The following BACH2 variants were observed in gnomAD, a reference collection of about 807,000 sequenced individuals.
BACH2 encodes transcription regulator protein BACH2.
A neutral mutation model predicts 61.8 loss-of-function variants in BACH2; 5 were observed. The ratio of observed to expected loss-of-function variants is 0.08; its 90% CI spans 0.04 to 0.17. BACH2 has a LOEUF of 0.17. Among genes scored for constraint, BACH2 ranks in the 10% least tolerant of loss-of-function variants. The pLI is 1.00. For synonymous variants in BACH2, 446 were observed against 440.1 expected, an observed-to-expected ratio of 1.01 and a Z score of -0.17; for missense variants, 824 against 1,091.1, an observed-to-expected ratio of 0.76 and a Z score of 3.45.
intron 3 of BACH2, among the ~76,000 whole-genome samples, chr6:90,224,941 TAAA>T (rs1369800695): frequency 6.6e-6 from 1 of 152,194 alleles, no homozygotes; most frequent in Non-Finnish European, 1.5e-5. Flanking sequence ...AGTTAGAATT[TAAA>T]AGGCTGGGAC....
chr6:90,108,708 A>G (rs1290443848), intron 4 of BACH2, among the ~76,000 whole-genome samples: 1 of 152,218 alleles, frequency 6.6e-6, no homozygotes, highest in Non-Finnish European at 1.5e-5. Context: ...AATGTCTATC[A>G]TTGCTCTAGA....
chr6:90,175,341 T>C (rs541539634), intron 4 of BACH2, among the ~76,000 whole-genome samples: 1 of 152,282 alleles, frequency 6.6e-6, no homozygotes, highest in East Asian at 1.9e-4. Flanking sequence ...TACACTGAAA[T>C]CATAAGAAAC....
chr6:90,057,634 A>T (rs1379879590), intron 5 of BACH2, among the ~76,000 whole-genome samples: 2 of 152,252 alleles, frequency 1.3e-5, no homozygotes, highest in Non-Finnish European at 2.9e-5. Context: ...TGAGGCCAGC[A>T]TCATCCTGAC....
intron 4 of BACH2, among the ~76,000 whole-genome samples, chr6:90,137,360 T>C (rs180774011): frequency 1.3e-5 from 2 of 152,028 alleles, no homozygotes; most frequent in East Asian, 3.9e-4. Context: ...AGAAAAAACA[T>C]GTGCATTTGA....
intron 1 of BACH2, among the ~76,000 whole-genome samples, chr6:90,295,611 G>A (rs886202090): frequency 2.0e-5 from 3 of 152,100 alleles, no homozygotes; most frequent in Middle Eastern, 3.4e-3. Context: ...TCATAAACCA[G>A]TCTCCTGGGT....
chr6:89,950,278 C>T lies in BACH2; in HGVS notation c.1828G>A (p.Gly610Ser), dbSNP rs571253092. 4.3e-6 allele frequency: 7 copies of T among 1,613,984 alleles called. No individual in the cohort carries two copies. Among genetic ancestry groups the T allele is most frequent in the Non-Finnish European group, 5.9e-6 (7 of 1,180,038 alleles). Residue 610 changes from glycine (G) to serine (S), a missense_variant, in exon 7 of 9, where the codon GGC becomes AGC. This residue lies in a region of BACH2 where 160 missense variants were observed against 283.5 expected (regional missense o/e 0.56). Transcript: ENST00000257749. The surrounding 1 kb of genome is among the most constrained non-coding windows in gnomAD (Gnocchi z 5.3). ...DSESCPVQDRGQEVKLPFPVD... is the reference protein window; with the variant it reads ...DSESCPVQDRSQEVKLPFPVD... ...TTATGTGGGTTCCCTACCTCCTGGC[C>T]CCTGTCCTGCACAGGACACGACTCA...
At chr6:90,192,235 T>C (rs913828413) in intron 4 of BACH2, among the ~76,000 whole-genome samples, 3 of 152,192 alleles carry the variant, frequency 2.0e-5, no homozygotes, top group Non-Finnish European at 4.4e-5. Context: ...TCACTCTCTT[T>C]TTCATGGGAG....
At chr6:90,253,641 A>C (rs1338580080) in intron 2 of BACH2, among the ~76,000 whole-genome samples, 1 of 152,192 alleles carries the variant, frequency 6.6e-6, no homozygotes, top group Non-Finnish European at 1.5e-5. Context: ...CATGTATTGA[A>C]GAGTTAATTT....
chr6:90,111,448 T>G (rs1305497342), intron 4 of BACH2, among the ~76,000 whole-genome samples: 1 of 152,250 alleles, frequency 6.6e-6, no homozygotes, highest in Non-Finnish European at 1.5e-5. Context: ...GCATCTGAGG[T>G]GCAGGCCCAA....
chr6:90,109,322 T>G (rs1783063252), intron 4 of BACH2, among the ~76,000 whole-genome samples: 1 of 152,140 alleles, frequency 6.6e-6, no homozygotes, highest in Non-Finnish European at 1.5e-5. Flanking sequence ...CTTCTTCTTG[T>G]GGCTTCAGGG....
intron 5 of BACH2, among the ~76,000 whole-genome samples, chr6:90,077,186 A>G (rs935231491): frequency 8.9e-4 from 135 of 152,158 alleles, no homozygotes; most frequent in African/African-American, 3.2e-3. Flanking sequence ...ATTCCTTATG[A>G]AAGCGTGGGA....
chr6:90,128,059 T>C (rs1007133472), intron 4 of BACH2, among the ~76,000 whole-genome samples: 24 of 152,140 alleles, frequency 1.6e-4, no homozygotes, highest in African/African-American at 5.8e-4. Context: ...TCCCCAGCCA[T>C]GGTCCACAGG....
intron 4 of BACH2, among the ~76,000 whole-genome samples, chr6:90,195,817 T>A (rs1768738597): frequency 6.6e-6 from 1 of 152,196 alleles, no homozygotes; most frequent in South Asian, 2.1e-4. Flanking sequence ...AGCTAAGGTA[T>A]CTTTTTAATT....
At chr6:90,060,650 C>T (rs774803548) in intron 5 of BACH2, among the ~76,000 whole-genome samples, 6 of 151,906 alleles carry the variant, frequency 3.9e-5, no homozygotes, top group East Asian at 1.9e-4. Flanking sequence ...AATATATTAA[C>T]GCTAGTTTTG....
rs1774156217 is a variant in BACH2, at chr6:89,951,966, T to A, written c.244-104A>T. On this transcript the variant is annotated intron_variant, in intron 6 of 8. Coordinates refer to ENST00000257749, the MANE Select transcript of BACH2 (RefSeq NM_021813.4). The surrounding 1 kb of genome is among the most constrained non-coding windows in gnomAD (Gnocchi z 6.4). ...ACCAGACAGTGCTAATGTCCCAGAA[T>A]AAAGACTGCAAAGGGGCAGTTAATC... 2.9e-5 allele frequency: 39 copies of A among 1,352,042 alleles called. No homozygotes were observed. The South Asian group carries it at 4.0e-4, about 14-fold the overall frequency. The allele number at this position is 1,352,042 out of a possible 1,614,324, so 83.8% of individuals were successfully genotyped here.
At chr6:90,161,137 C>T (rs1303026879) in intron 4 of BACH2, among the ~76,000 whole-genome samples, 1 of 145,374 alleles carries the variant, frequency 6.9e-6, no homozygotes, top group Non-Finnish European at 1.5e-5. Context: ...CAAATCATTA[C>T]ACAGCCCTTT....
intron 4 of BACH2, among the ~76,000 whole-genome samples, chr6:90,105,223 G>T (rs1310804376): frequency 6.6e-6 from 1 of 152,184 alleles, no homozygotes; most frequent in East Asian, 1.9e-4. Context: ...TGGCTGCAAG[G>T]CATTTCCAGA....
chr6:90,125,650 C>T (rs957253796), intron 4 of BACH2, among the ~76,000 whole-genome samples: 8 of 152,322 alleles, frequency 5.3e-5, no homozygotes, highest in South Asian at 2.1e-4. Flanking sequence ...ATGCTGTGTA[C>T]TGGTTGACTT....
intron 5 of BACH2, among the ~76,000 whole-genome samples, chr6:90,023,240 T>C (rs1029964348): frequency 2.6e-5 from 4 of 152,194 alleles, no homozygotes; most frequent in African/African-American, 9.7e-5. Flanking sequence ...TCATGTTCAA[T>C]TGTAATCCCC....
Sources: allele counts gnomAD v4.1 joint callset (sites outside exome capture counted in the v4.1 genomes callset), GRCh38; gene constraint gnomAD v4.1.1; regional missense constraint gnomAD v4.1.1; non-coding constraint Gnocchi (gnomAD v3.1); transcripts MANE v1.5; gene names NCBI Gene and HGNC (gene_info 2026-07-23, HGNC 2026-07-21).